The following KCNU1 variants were observed in gnomAD, a reference collection of about 807,000 sequenced individuals.
KCNU1 encodes the protein potassium calcium-activated channel subfamily U member 1, also known as potassium channel subfamily U member 1.
A neutral mutation model predicts 126.8 loss-of-function variants in KCNU1; 93 were observed. That is an observed-to-expected ratio of 0.73 (90% CI 0.62 to 0.87). The LOEUF (loss-of-function observed/expected upper bound fraction) is 0.87, where lower values mean the gene tolerates loss of function less well. Ranked by LOEUF, KCNU1 falls within the 40% of genes least tolerant of loss-of-function variation. The pLI is 0.00. For synonymous variants in KCNU1, 523 were observed against 494.2 expected (o/e 1.06, Z -0.77); for missense variants, 1,330 against 1,367.1 (o/e 0.97, Z 0.43).
At chr8:36,849,404 C>T (rs1233668161) in intron 18 of KCNU1, among the ~76,000 whole-genome samples, 3 of 151,974 alleles carry the variant, frequency 2.0e-5, no homozygotes, top group African/African-American at 7.3e-5. Context: ...GCCTGGCCAA[C>T]ATGGTGAAAC....
chr8:36,853,248 G>A (rs1362141059), intron 18 of KCNU1, among the ~76,000 whole-genome samples: 1 of 152,176 alleles, frequency 6.6e-6, no homozygotes, highest in Non-Finnish European at 1.5e-5. Context: ...TACTCGGGAG[G>A]CTGAGGCAGG....
At chr8:36,870,488 C>T (rs960244890) in intron 19 of KCNU1, among the ~76,000 whole-genome samples, 1 of 152,074 alleles carries the variant, frequency 6.6e-6, no homozygotes, top group African/African-American at 2.4e-5. Flanking sequence ...ACTATTCAGG[C>T]AAGAGAATCC....
At chr8:36,823,836 C>CTTT (rs11364462) in intron 10 of KCNU1, among the ~76,000 whole-genome samples, 7 of 129,380 alleles carry the variant, frequency 5.4e-5, no homozygotes, top group South Asian at 2.5e-4. Context: ...TTGTTCAAAC[C>CTTT]TTTTTTTTTT....
At chr8:36,829,239 A>G (rs1005877636) in intron 10 of KCNU1, among the ~76,000 whole-genome samples, 3 of 152,098 alleles carry the variant, frequency 2.0e-5, no homozygotes, top group Non-Finnish European at 4.4e-5. Flanking sequence ...GCTGAATATT[A>G]CATATCTTCT....
chr8:36,860,909 C>T (rs906402238), intron 18 of KCNU1, among the ~76,000 whole-genome samples: 1 of 149,452 alleles, frequency 6.7e-6, no homozygotes, highest in African/African-American at 2.5e-5. Context: ...GGCCCTGGGT[C>T]ACTTTTTTTT....
At chr8:36,789,518 GT>G (rs1802829508) in intron 2 of KCNU1, among the ~76,000 whole-genome samples, 1 of 151,918 alleles carries the variant, frequency 6.6e-6, no homozygotes, top group African/African-American at 2.4e-5. Context: ...AATATTTATT[GT>G]TTGCCAAGTA....
chr8:36,852,243 T>C (rs1805376385), intron 18 of KCNU1, among the ~76,000 whole-genome samples: 1 of 152,174 alleles, frequency 6.6e-6, no homozygotes, highest in Non-Finnish European at 1.5e-5. Context: ...GAATAGAATC[T>C]TTTTTATACA....
chr8:36,833,889 T>C (rs1804650932), intron 11 of KCNU1, among the ~76,000 whole-genome samples: 1 of 152,198 alleles, frequency 6.6e-6, no homozygotes, highest in Non-Finnish European at 1.5e-5. Context: ...ATATTTAAAT[T>C]ATTTATTTCT....
intron 5 of KCNU1, 48 bp from the exon 6 acceptor site, chr8:36,807,327 G>C (rs996298733): frequency 3.0e-6 from 4 of 1,335,846 alleles, no homozygotes; most frequent in Non-Finnish European, 3.2e-6. Flanking sequence ...GCTCCCTCTG[G>C]AGTGACCCTC....
chr8:36,868,803 C>T (rs74819444), intron 19 of KCNU1, among the ~76,000 whole-genome samples: 4,889 of 152,126 alleles, frequency 0.032, 127 homozygotes, highest in Non-Finnish European at 0.049. Context: ...ATTTTATGTC[C>T]TTAAATCAAG....
chr8:36,786,833 C>CA (rs1563254412), intron 1 of KCNU1, among the ~76,000 whole-genome samples: 2 of 152,172 alleles, frequency 1.3e-5, no homozygotes, highest in Admixed American at 6.5e-5. Flanking sequence ...TAACACCAGG[C>CA]AAAAAACTAA....
At chr8:36,802,154 GACCCCA>G (rs1803336637) in intron 2 of KCNU1, among the ~76,000 whole-genome samples, 1 of 145,362 alleles carries the variant, frequency 6.9e-6, no homozygotes, top group African/African-American at 2.5e-5. Context: ...TAAGAGCTGA[GACCCCA>G]ACACTACCAC....
At chr8:36,850,455 C>CTT (rs35954286) in intron 18 of KCNU1, among the ~76,000 whole-genome samples, 88 of 143,882 alleles carry the variant, frequency 6.1e-4, no homozygotes, top group East Asian at 4.5e-3. Context: ...AATCGGTGAT[C>CTT]TTTTTTTTTT....
At chr8:36,799,217 T>C (rs958873792) in intron 2 of KCNU1, among the ~76,000 whole-genome samples, 1 of 152,188 alleles carries the variant, frequency 6.6e-6, no homozygotes, top group Admixed American at 6.5e-5. Flanking sequence ...GAAAGGAGAA[T>C]TACAAAGTCA....
intron 6 of KCNU1, among the ~76,000 whole-genome samples, 187 bp downstream of exon 6, chr8:36,807,637 A>T (rs1228773504): frequency 1.3e-5 from 2 of 151,940 alleles, no homozygotes; most frequent in Non-Finnish European, 2.9e-5. Context: ...CTAGCTGAAA[A>T]CTTTGCAATC....
chr8:36,819,760 C>T (rs1049839816), intron 10 of KCNU1, among the ~76,000 whole-genome samples: 4 of 152,110 alleles, frequency 2.6e-5, no homozygotes, highest in Admixed American at 2.0e-4. Flanking sequence ...GCAATTATCA[C>T]AATCTATAAT....
At chr8:36,933,066 C>A in intron 26 of KCNU1, 34 bp downstream of exon 26, 1 of 1,256,552 alleles carries the variant, frequency 8.0e-7, no homozygotes, top group Non-Finnish European at 1.1e-6. Context: ...ACCATCCACC[C>A]ATTCAAGCAT....
chr8:36,858,193 A>C (rs993506686), intron 18 of KCNU1, among the ~76,000 whole-genome samples: 1 of 151,764 alleles, frequency 6.6e-6, no homozygotes, highest in South Asian at 2.1e-4. Flanking sequence ...AAAAAAAAAA[A>C]AAAAAACTGT....
intron 6 of KCNU1, among the ~76,000 whole-genome samples, chr8:36,808,387 C>T (rs1475269280): frequency 6.6e-6 from 1 of 151,992 alleles, no homozygotes; most frequent in Non-Finnish European, 1.5e-5. Context: ...TCTCTATGAT[C>T]CACATGTAGA....
Sources: gnomAD v4.1 joint callset for allele counts (sites outside exome capture counted in the v4.1 genomes callset) on GRCh38, gnomAD v4.1.1 for gene constraint, MANE v1.5 for transcripts, NCBI Gene and HGNC (gene_info 2026-07-23, HGNC 2026-07-21) for gene names.